CACNB4: variants seen among roughly 807,000 people sequenced by gnomAD.
CACNB4 encodes the protein calcium voltage-gated channel auxiliary subunit beta 4.
A neutral mutation model predicts 71.2 loss-of-function variants in CACNB4; 32 were observed. That is an observed-to-expected ratio of 0.45 (90% confidence interval 0.34 to 0.60). The LOEUF is 0.60. Ranked by LOEUF, CACNB4 falls within the 20% of genes least tolerant of loss-of-function variation. The probability of loss-of-function intolerance (pLI) is 0.01; values close to 1 mark genes in which losing one functional copy is unlikely to be tolerated. For missense variants in CACNB4, 464 were observed against 647.9 expected (o/e 0.72, Z 3.08); for synonymous variants, 231 against 236.9 (o/e 0.97, Z 0.23).
chr2:152,074,365 A>C (rs1686876245), intron 2 of CACNB4, among the ~76,000 whole-genome samples: 1 of 151,016 alleles, frequency 6.6e-6, no homozygotes, highest in Admixed American at 6.6e-5. Flanking sequence ...CACTACTACC[A>C]TTCCCACCCT....
intron 2 of CACNB4, among the ~76,000 whole-genome samples, chr2:152,087,364 G>A (rs531479248): frequency 7.6e-4 from 115 of 151,154 alleles, no homozygotes; most frequent in East Asian, 3.5e-3. Flanking sequence ...CCTGGGAGGC[G>A]GAGGTTGCGG....
chr2:151,998,315 CAAAAAAAAAAAAAAAAAA>C (rs70974815), intron 2 of CACNB4, among the ~76,000 whole-genome samples: 2 of 110,720 alleles, frequency 1.8e-5, no homozygotes, highest in African/African-American at 8.0e-5. Context: ...ACTCCATCTC[CAAAAAAAAAAAAAAAAAA>C]AAAAAAAAAA....
At chr2:151,891,237 G>A (rs141629275) in intron 2 of CACNB4, among the ~76,000 whole-genome samples, 26 of 152,242 alleles carry the variant, frequency 1.7e-4, no homozygotes, top group African/African-American at 6.3e-4. Context: ...CTAGTCTGAG[G>A]AGACCCATGA....
At chr2:152,041,037 T>G (rs1258887572) in intron 2 of CACNB4, among the ~76,000 whole-genome samples, 1 of 152,198 alleles carries the variant, frequency 6.6e-6, no homozygotes, top group Admixed American at 6.5e-5. Flanking sequence ...CCTCAGCCTT[T>G]TGGGCCCTTT....
chr2:151,909,310 C>T (rs2099855597), intron 2 of CACNB4, among the ~76,000 whole-genome samples: 2 of 151,264 alleles, frequency 1.3e-5, no homozygotes, highest in Non-Finnish European at 2.9e-5. Flanking sequence ...TGGCGGGCAC[C>T]TGTAATCCCA....
intron 2 of CACNB4, among the ~76,000 whole-genome samples, chr2:151,955,154 C>T (rs1186903872): frequency 1.3e-5 from 2 of 152,030 alleles, no homozygotes; most frequent in Non-Finnish European, 2.9e-5. Flanking sequence ...CGTGCCCAGC[C>T]AACAAGTCAG....
At chr2:152,027,958 G>A (rs1401979540) in intron 2 of CACNB4, among the ~76,000 whole-genome samples, 1 of 150,662 alleles carries the variant, frequency 6.6e-6, no homozygotes, top group Non-Finnish European at 1.5e-5. Context: ...AGAGAGCTTC[G>A]ATTTGTGAGT....
chr2:152,022,743 T>C (rs1333343520), intron 2 of CACNB4, among the ~76,000 whole-genome samples: 2 of 152,310 alleles, frequency 1.3e-5, no homozygotes, highest in South Asian at 4.1e-4. Context: ...CAAAGAATCA[T>C]AGAAAGCATA....
intron 2 of CACNB4, among the ~76,000 whole-genome samples, chr2:152,060,645 A>T (rs539523217): frequency 5.2e-4 from 79 of 152,372 alleles, no homozygotes; most frequent in African/African-American, 1.3e-3. Flanking sequence ...CTATACATTT[A>T]TCATAAGAAA....
chr2:152,031,251 C>T (rs1038676826), intron 2 of CACNB4, among the ~76,000 whole-genome samples: 1 of 152,208 alleles, frequency 6.6e-6, no homozygotes, highest in Non-Finnish European at 1.5e-5. Flanking sequence ...CCACAAAGGA[C>T]ACTTCACAAA....
intron 9 of CACNB4, 195 bp from the exon 10 acceptor site, chr2:151,861,015 T>C (rs913038147): frequency 3.6e-6 from 2 of 557,058 alleles, no homozygotes; most frequent in Admixed American, 3.5e-5. Flanking sequence ...GAGGAAGGTT[T>C]AAACTGTTTC....
intron 2 of CACNB4, among the ~76,000 whole-genome samples, chr2:152,023,431 G>C (rs1255199996): frequency 5.0e-5 from 1 of 19,886 alleles, no homozygotes; most frequent in Non-Finnish European, 1.1e-4. Context: ...GTAAAAGTGA[G>C]AGGTGCTTTT....
At chr2:152,082,576 A>G (rs1687420719) in intron 2 of CACNB4, among the ~76,000 whole-genome samples, 2 of 152,222 alleles carry the variant, frequency 1.3e-5, no homozygotes, top group Non-Finnish European at 2.9e-5. Context: ...GGACACAGCC[A>G]TAAAGTCCTA....
chr2:152,014,846 A>G (rs746219859), intron 2 of CACNB4, among the ~76,000 whole-genome samples: 1 of 152,174 alleles, frequency 6.6e-6, no homozygotes, highest in African/African-American at 2.4e-5. Flanking sequence ...AATTATGAAA[A>G]CATTTATGCA....
At chr2:152,096,362 T>C (rs189885316) in intron 2 of CACNB4, among the ~76,000 whole-genome samples, 1 of 152,176 alleles carries the variant, frequency 6.6e-6, no homozygotes, top group Non-Finnish European at 1.5e-5. Flanking sequence ...CGGGTGCCTG[T>C]AGTCTCAGCT....
chr2:152,046,289 T>C (rs777609491), intron 2 of CACNB4, among the ~76,000 whole-genome samples: 23 of 152,286 alleles, frequency 1.5e-4, no homozygotes, highest in Non-Finnish European at 2.6e-4. Flanking sequence ...CCAAAATTCC[T>C]TCCTGGAAAA....
chr2:151,994,228 G>A (rs1681906948), intron 2 of CACNB4, among the ~76,000 whole-genome samples: 1 of 151,908 alleles, frequency 6.6e-6, no homozygotes, highest in African/African-American at 2.4e-5. Context: ...AGAAAAAAAG[G>A]GTCCCTTTTC....
At position 151,942,566 on chromosome 2, in the gene CACNB4, C is replaced by T. The variant is rs533036969; in HGVS notation, c.148-59196G>A. Among the ~76,000 whole-genome samples, 19 of 148,816 alleles carry T rather than the reference C, an allele frequency of 1.3e-4. No homozygotes were observed. In the South Asian group the frequency reaches 1.7e-3, roughly 13 times the overall value. On this transcript the variant is annotated intron_variant, in intron 2 of 13. Transcript: ENST00000539935. ...ATAAGGTCTGACTGCCTGCAGGGTCCGGCAAAAAGAGCCATATTTTTCTTC... is the reference window on the plus strand; with the variant it reads ...ATAAGGTCTGACTGCCTGCAGGGTCTGGCAAAAAGAGCCATATTTTTCTTC...
intron 2 of CACNB4, among the ~76,000 whole-genome samples, chr2:152,008,990 A>G (rs1682894114): frequency 1.3e-5 from 2 of 152,172 alleles, no homozygotes; most frequent in Admixed American, 1.3e-4. Context: ...AATGAAGAAA[A>G]TGAACAGCGC....
Sources: gnomAD v4.1 joint callset for allele counts (sites outside exome capture counted in the v4.1 genomes callset) on GRCh38, gnomAD v4.1.1 for gene constraint, MANE v1.5 for transcripts, NCBI Gene and HGNC (gene_info 2026-07-23, HGNC 2026-07-21) for gene names.